The following PLCL2 variants were observed in gnomAD, a reference collection of about 807,000 sequenced individuals.
PLCL2 encodes phospholipase C like 2, also known as inactive phospholipase C-like protein 2.
In PLCL2, 4 loss-of-function variants were observed where a neutral mutation model predicts 79.6. The observed-to-expected ratio is 0.05, with a 90% CI of 0.02 to 0.11. The LOEUF (loss-of-function observed/expected upper bound fraction) is 0.11. Ranked by LOEUF, PLCL2 falls within the 10% of genes least tolerant of loss-of-function variation. The probability of loss-of-function intolerance (pLI) is 1.00; values close to 1 mark genes in which losing one functional copy is unlikely to be tolerated. For synonymous variants in PLCL2, 484 were observed against 457.7 expected, an observed-to-expected ratio of 1.06 and a Z score of -0.73; for missense variants, 895 against 1,291.0, an observed-to-expected ratio of 0.69 and a Z score of 4.70.
chr3:17,010,767 T>C lies in PLCL2; in HGVS notation c.1421T>C (p.Val474Ala). The change falls in exon 2 of 6, where the codon GTA (valine) becomes GCA (alanine). Residue 474 changes from valine (V) to alanine (A), a missense_variant. By Grantham distance (64) the Val-to-Ala change is moderately conservative. Coordinates refer to ENST00000615277, the MANE Select transcript of PLCL2 (RefSeq NM_001144382.2). This position sits in a 1 kb window ranked among gnomAD's most constrained non-coding sequence, Gnocchi z 5.8. ...KMGCRSVELD[V>A]WDGPDNEPVI... ...GGTTGCCGGAGTGTTGAATTAGATG[T>C]ATGGGATGGGCCGGACAATGAACCT... 2.5e-6 allele frequency: 4 copies of C among 1,614,190 alleles called. No homozygotes were observed. The highest frequency in any genetic ancestry group is 3.4e-6 in the Non-Finnish European group (4 of 1,180,012).
At chr3:17,022,849 G>A (rs1016907424) in intron 3 of PLCL2, among the ~76,000 whole-genome samples, 6 of 152,120 alleles carry the variant, frequency 3.9e-5, no homozygotes, top group Admixed American at 6.6e-5. Flanking sequence ...CTCTTATGAG[G>A]GAGGTAGATG....
At chr3:16,916,394 G>A (rs1028540508) in intron 1 of PLCL2, among the ~76,000 whole-genome samples, 2 of 152,116 alleles carry the variant, frequency 1.3e-5, no homozygotes, top group African/African-American at 4.8e-5. Flanking sequence ...CCTCCCTCCA[G>A]CATTAAAGAA....
At chr3:17,083,740 G>A (rs1253135031) in intron 5 of PLCL2, among the ~76,000 whole-genome samples, 7 of 152,284 alleles carry the variant, frequency 4.6e-5, no homozygotes, top group African/African-American at 1.7e-4. Context: ...TGGGATGATA[G>A]ATGGAAGAAA....
At position 16,940,361 on chromosome 3, in the gene PLCL2, C is replaced by T. The variant is rs887439554; in HGVS notation, c.327+54995C>T. ...CAAAAAAAGTTCAACTCTCTCTCTC[C>T]TTATGTCTCTTTTCCTGTGTTCCCA... is the stretch of plus-strand genomic sequence containing the variant. On this transcript the variant is annotated intron_variant, in intron 1 of 5. Transcript: ENST00000615277. 1.0e-3 allele frequency among the ~76,000 whole-genome samples: 157 copies of T among 152,198 alleles called. 1 individual carries two copies. Among genetic ancestry groups the T allele is most frequent in the Non-Finnish European group, 2.5e-4 (17 of 68,040 alleles).
chr3:16,946,898 A>T (rs1225321915), intron 1 of PLCL2, among the ~76,000 whole-genome samples: 1 of 148,406 alleles, frequency 6.7e-6, no homozygotes, highest in Non-Finnish European at 1.5e-5. Flanking sequence ...CTTTTCTTTT[A>T]TATTAGTTTT....
At chr3:17,074,228 T>C (rs545922604) in intron 5 of PLCL2, among the ~76,000 whole-genome samples, 2 of 152,258 alleles carry the variant, frequency 1.3e-5, no homozygotes, top group Non-Finnish European at 2.9e-5. Context: ...GAAAGCAATA[T>C]TAATCTCCTT....
chr3:17,049,525 A>G (rs1376290728), intron 4 of PLCL2, among the ~76,000 whole-genome samples: 7 of 152,230 alleles, frequency 4.6e-5, no homozygotes, highest in African/African-American at 1.4e-4. Flanking sequence ...TAGCATTTCT[A>G]TATGCCAACA....
chr3:17,031,477 T>C (rs1225953412), intron 3 of PLCL2, among the ~76,000 whole-genome samples: 5 of 152,160 alleles, frequency 3.3e-5, no homozygotes, highest in Non-Finnish European at 7.4e-5. Flanking sequence ...TTTCATGCTG[T>C]CTGGGATGGG....
chr3:16,965,462 C>T (rs2063797825), intron 1 of PLCL2, among the ~76,000 whole-genome samples: 1 of 151,932 alleles, frequency 6.6e-6, no homozygotes, highest in African/African-American at 2.4e-5. Flanking sequence ...CGTGATGCCT[C>T]CAGCTTTGTT....
At position 16,961,946 on chromosome 3, in the gene PLCL2, C is replaced by G. The variant is rs534876350; in HGVS notation, c.328-47728C>G. Among the ~76,000 whole-genome samples the G allele has an allele frequency of 1.3e-4, 20 of 152,244 alleles. No individual in the cohort carries two copies. In the South Asian group the frequency reaches 3.9e-3, roughly 30 times the overall value. Reference sequence around the variant, plus strand: ...GGGTTTGTTTGGTAAGAGGTGAACCCTCTCATGTTCAGAGCACTGCAGGGT... The same window carrying G: ...GGGTTTGTTTGGTAAGAGGTGAACCGTCTCATGTTCAGAGCACTGCAGGGT... On this transcript the variant is annotated intron_variant, in intron 1 of 5. Coordinates refer to ENST00000615277, the MANE Select transcript of PLCL2 (RefSeq NM_001144382.2).
chr3:16,998,637 A>T (rs767389011), intron 1 of PLCL2, among the ~76,000 whole-genome samples: 3 of 152,212 alleles, frequency 2.0e-5, no homozygotes, highest in Admixed American at 6.5e-5. Context: ...AAAACTGTGA[A>T]TTTTATTGCA....
intron 1 of PLCL2, among the ~76,000 whole-genome samples, chr3:16,992,884 A>G (rs747984035): frequency 1.3e-5 from 2 of 152,212 alleles, no homozygotes; most frequent in Non-Finnish European, 2.9e-5. Flanking sequence ...ATGGCTGTTC[A>G]TCTCCTGGGT....
intron 1 of PLCL2, among the ~76,000 whole-genome samples, chr3:16,958,162 G>T (rs956312786): frequency 4.8e-4 from 73 of 152,116 alleles, no homozygotes; most frequent in Admixed American, 7.9e-4. Flanking sequence ...TGCAGAGGCT[G>T]GTACTGATAG....
At chr3:16,976,928 G>T (rs564780948) in intron 1 of PLCL2, among the ~76,000 whole-genome samples, 1 of 152,274 alleles carries the variant, frequency 6.6e-6, no homozygotes, top group African/African-American at 2.4e-5. Context: ...GTCCCTGGCT[G>T]GGGCCCATCT....
At chr3:16,944,635 G>A (rs556138336) in intron 1 of PLCL2, among the ~76,000 whole-genome samples, 3 of 152,344 alleles carry the variant, frequency 2.0e-5, no homozygotes, top group South Asian at 4.1e-4. Flanking sequence ...AAGCCAAGGA[G>A]AGAGGCCTGG....
chr3:16,970,316 G>T (rs1033422220), intron 1 of PLCL2, among the ~76,000 whole-genome samples: 1 of 151,556 alleles, frequency 6.6e-6, no homozygotes, highest in African/African-American at 2.4e-5. Flanking sequence ...GCGGTGTTTG[G>T]TTTTTTGTTC....
At chr3:17,077,632 C>G (rs968933991) in intron 5 of PLCL2, among the ~76,000 whole-genome samples, 2 of 152,158 alleles carry the variant, frequency 1.3e-5, no homozygotes, top group Non-Finnish European at 2.9e-5. Flanking sequence ...TTCACTGTGT[C>G]AATTGATTGC....
rs1314496265 is a variant in PLCL2 at position 16,943,640 on chromosome 3, CAT to C, written c.327+58277_327+58278del. ...TCTTTGTTTTTGCATGTATACATAA[CAT>C]ATGTGTTTTTAAAAGATTGTTCTAA... On this transcript the variant is annotated intron_variant, in intron 1 of 5. Transcript: ENST00000615277. 3.9e-5 allele frequency among the ~76,000 whole-genome samples: 6 copies of C among 152,074 alleles called. No homozygotes were observed. In the East Asian group the frequency reaches 5.8e-4, roughly 15 times the overall value.
rs186127997 is a variant in PLCL2, at chr3:17,079,892, C to T, written c.3205-9841C>T. Among the ~76,000 whole-genome samples, 11 of 152,266 alleles carry T rather than the reference C, an allele frequency of 7.2e-5. 1 individual carries two copies. In the East Asian group the frequency reaches 1.4e-3, roughly 19 times the overall value. On this transcript the variant is annotated intron_variant, in intron 5 of 5. Transcript: ENST00000615277. The stretch of plus-strand genomic sequence containing the variant: ...CATGGAAAGTCAGATCCATGCAGCC[C>T]ACTATCCCTTCATCATCAAGACACT...
Sources: gnomAD v4.1 joint callset for allele counts (sites outside exome capture counted in the v4.1 genomes callset) on GRCh38, gnomAD v4.1.1 for gene constraint, Gnocchi (gnomAD v3.1) non-coding constraint, MANE v1.5 for transcripts, NCBI Gene and HGNC (gene_info 2026-07-23, HGNC 2026-07-21) for gene names.